WASHC2C: variants seen among roughly 807,000 people sequenced by gnomAD.
WASHC2C encodes Vaccinia Penetration Factor.
Under a neutral mutation model 142.2 loss-of-function variants are expected in WASHC2C, and 73 were observed. That is an observed-to-expected ratio of 0.51 (90% CI 0.43 to 0.62). WASHC2C has a LOEUF of 0.62. Among genes scored for constraint, WASHC2C ranks in the 20% least tolerant of loss-of-function variants. The pLI is 0.00. For synonymous variants in WASHC2C, 337 were observed against 565.5 expected (o/e 0.60, Z 5.73); for missense variants, 969 against 1,531.7 (o/e 0.63, Z 6.13).
rs71225139 is a variant in WASHC2C, at chr10:45,784,252, GTATATATATATA to G, written c.2479-286_2479-275del. Among the ~76,000 whole-genome samples, 316 of 40,716 alleles carry G rather than the reference GTATATATATATA, an allele frequency of 7.8e-3. 18 individuals carry two copies. In the East Asian group the frequency reaches 0.13, roughly 17 times the overall value. 26.7% of individuals were successfully genotyped at this position (40,716 alleles called of 152,430 possible). On this transcript the variant is annotated intron_variant, in intron 23 of 30. Coordinates refer to ENST00000623400, the MANE Select transcript of WASHC2C (RefSeq NM_001330074.2). ...CATATATATATATATGTGTGTGTGT[GTATATATATATA>G]TATATATATATATATATATATATAT...
At chr10:45,771,668 G>A (rs1397399072) in intron 20 of WASHC2C, 10 of 899,448 alleles carry the variant, frequency 1.1e-5, no homozygotes, top group African/African-American at 1.8e-5. Flanking sequence ...TATTGTTCCC[G>A]AAGTTGTCTG....
chr10:45,751,998 A>C (rs1746064610), intron 11 of WASHC2C, among the ~76,000 whole-genome samples: 1 of 152,184 alleles, frequency 6.6e-6, no homozygotes, highest in Non-Finnish European at 1.5e-5. Context: ...GAAGCCTTGG[A>C]AGGCATGTTT....
intron 19 of WASHC2C, among the ~76,000 whole-genome samples, chr10:45,766,554 C>G (rs1201809527): frequency 1.4e-5 from 2 of 145,228 alleles, no homozygotes; most frequent in Non-Finnish European, 3.0e-5. Flanking sequence ...TAGCATGTCC[C>G]GTATACCCCA....
At position 45,790,388 on chromosome 10, in the gene WASHC2C, C is replaced by T; in HGVS notation, c.3741C>T (p.Pro1247=). The part of the protein sequence containing the change: ...DDIFATEAIK[P]SQKTREKEKT... ...TATTTGCTACGGAAGCAATTAAACC[C>T]TCTCAGAAAACCAGAGAGAAGGAGA... Residue 1247 remains proline (P), a synonymous_variant, in exon 30 of 31, where the codon CCC becomes CCT. Coordinates refer to ENST00000623400, the MANE Select transcript of WASHC2C (RefSeq NM_001330074.2). 6.2e-7 allele frequency: 1 copy of T among 1,610,742 alleles called. No individual in the cohort carries two copies. The highest frequency in any genetic ancestry group is 1.7e-5 in the Admixed American group (1 of 59,698).
chr10:45,785,443 A>G, intron 25 of WASHC2C, 66 bp from the exon 26 acceptor site: 3 of 1,596,016 alleles, frequency 1.9e-6, no homozygotes, highest in East Asian at 2.2e-5. Flanking sequence ...TGTTTTTTGC[A>G]TTATGATTTT....
intron 17 of WASHC2C, among the ~76,000 whole-genome samples, chr10:45,759,806 G>T (rs1427752722): frequency 6.6e-6 from 1 of 152,090 alleles, no homozygotes; most frequent in Non-Finnish European, 1.5e-5. Context: ...GCGACAGAGC[G>T]AGACTTCATC....
chr10:45,758,769 G>C (rs868955726), intron 16 of WASHC2C, among the ~76,000 whole-genome samples: 4,349 of 150,390 alleles, frequency 0.029, 79 homozygotes, highest in Non-Finnish European at 0.042. Flanking sequence ...CACCATGCCC[G>C]GCTAATTTTT....
chr10:45,737,025 C>T (rs2051360013), intron 3 of WASHC2C, among the ~76,000 whole-genome samples: 1 of 151,964 alleles, frequency 6.6e-6, no homozygotes, highest in African/African-American at 2.4e-5. Context: ...TTCACCCAAG[C>T]TGCAGTGCAG....
In WASHC2C at chr10:45,727,329, G is replaced by C. The variant is rs1434607443; in HGVS notation, c.3+9G>C. On this transcript the variant is annotated intron_variant, in intron 1 of 30. Coordinates refer to ENST00000623400, the MANE Select transcript of WASHC2C (RefSeq NM_001330074.2). ...GCCGGGCGGCTGGGATGGTGAGGGC[G>C]GCGGGCCGGAGAGGGGCCGGCCTGG... 6.3e-7 allele frequency: 1 copy of C among 1,584,232 alleles called. No individual in the cohort carries two copies. Among genetic ancestry groups the C allele is most frequent in the Non-Finnish European group, 8.6e-7 (1 of 1,166,556 alleles).
intron 29 of WASHC2C, 78 bp from the exon 30 acceptor site, chr10:45,790,278 C>T (rs2135832603): frequency 1.2e-6 from 2 of 1,604,916 alleles, no homozygotes; most frequent in South Asian, 1.1e-5. Flanking sequence ...ATTGCATTTC[C>T]ATAGCTTGTT....
intron 23 of WASHC2C, among the ~76,000 whole-genome samples, chr10:45,779,349 C>A (rs1170483200): frequency 1.4e-5 from 2 of 146,566 alleles, no homozygotes; most frequent in Admixed American, 1.4e-4. Context: ...ATTTCACCCC[C>A]CTCTTCTGGG....
intron 17 of WASHC2C, 116 bp downstream of exon 17, chr10:45,759,517 T>A: frequency 6.9e-7 from 1 of 1,439,156 alleles, no homozygotes; most frequent in Non-Finnish European, 9.4e-7. Flanking sequence ...GTACTCCAGT[T>A]CTTTAAAAAT....
At chr10:45,766,869 C>T (rs554767219) in intron 19 of WASHC2C, among the ~76,000 whole-genome samples, 1 of 151,864 alleles carries the variant, frequency 6.6e-6, no homozygotes, top group African/African-American at 2.4e-5. Context: ...ACATTGTAGG[C>T]AAGTTAGTAG....
Position 45,753,948 on chromosome 10 carries a change from G to T in WASHC2C, c.1181-538G>T, listed in dbSNP as rs560730891. On this transcript the variant is annotated intron_variant, in intron 13 of 30. Transcript: ENST00000623400. ...CTCCCGGGCGCAGGCATCAGAGCTG[G>T]GCCTTGGAGGCCGCTCCTTGTGCCT... Among the ~76,000 whole-genome samples the T allele has an allele frequency of 4.0e-3, 612 of 151,540 alleles. 3 individuals carry two copies. Among genetic ancestry groups the T allele is most frequent in the Non-Finnish European group, 7.3e-3 (496 of 67,962 alleles).
intron 6 of WASHC2C, among the ~76,000 whole-genome samples, chr10:45,744,054 T>C (rs2052491238): frequency 6.6e-6 from 1 of 151,806 alleles, no homozygotes; most frequent in Admixed American, 6.6e-5. Flanking sequence ...GCTCTTTTTC[T>C]TTCTTTCTTT....
chr10:45,770,805 C>T (rs1398400025), intron 20 of WASHC2C, among the ~76,000 whole-genome samples: 2 of 152,056 alleles, frequency 1.3e-5, no homozygotes, highest in East Asian at 3.9e-4. Context: ...GGCAAGTTAC[C>T]TAACTTCCCT....
chr10:45,769,945 T>C (rs1242118809), intron 20 of WASHC2C, among the ~76,000 whole-genome samples: 1 of 151,616 alleles, frequency 6.6e-6, no homozygotes, highest in Non-Finnish European at 1.5e-5. Flanking sequence ...CAGGATTACT[T>C]AAAAGTTACT....
At chr10:45,784,293 C>A in intron 23 of WASHC2C, among the ~76,000 whole-genome samples, 1 of 63,642 alleles carries the variant, frequency 1.6e-5, no homozygotes, top group African/African-American at 5.1e-5. Flanking sequence ...TATATATACA[C>A]ATATATATAT....
At chr10:45,760,837 G>A (rs563203428) in intron 17 of WASHC2C, among the ~76,000 whole-genome samples, 15 of 149,144 alleles carry the variant, frequency 1.0e-4, no homozygotes, top group African/African-American at 3.7e-4. Flanking sequence ...CTTATTCATT[G>A]TCTCTACTTC....
Sources: allele counts gnomAD v4.1 joint callset (sites outside exome capture counted in the v4.1 genomes callset), GRCh38; gene constraint gnomAD v4.1.1; transcripts MANE v1.5; gene names NCBI Gene and HGNC (gene_info 2026-07-23, HGNC 2026-07-21).